GPD2: variants seen among roughly 807,000 people sequenced by gnomAD.
The protein encoded by GPD2 is glycerol-3-phosphate dehydrogenase, mitochondrial.
GPD2 carries 54 observed loss-of-function variants against 82.4 expected under a neutral mutation model. The ratio of observed to expected loss-of-function variants is 0.66; its 90% CI spans 0.53 to 0.82. GPD2 has a LOEUF of 0.82. GPD2 is among the 40% of genes least tolerant of loss of function. The pLI, the probability that GPD2 is intolerant of heterozygous loss-of-function variation, is 0.00. For synonymous variants in GPD2, 288 were observed against 306.1 expected (o/e 0.94, Z 0.62); for missense variants, 748 against 896.2 (o/e 0.83, Z 2.11).
chr2:156,575,701 C>T (rs949705060), intron 13 of GPD2, among the ~76,000 whole-genome samples: 2 of 152,134 alleles, frequency 1.3e-5, no homozygotes, highest in East Asian at 3.9e-4. Flanking sequence ...CCACCACACC[C>T]GGTCCTCATT....
chr2:156,461,731 T>A (rs572226719), intron 1 of GPD2, among the ~76,000 whole-genome samples: 1 of 152,362 alleles, frequency 6.6e-6, no homozygotes, highest in South Asian at 2.1e-4. Context: ...CTCCTAGTAA[T>A]TCTCACTTTC....
chr2:156,434,741 CT>C (rs1688375563), upstream of GPD2, among the ~76,000 whole-genome samples: 4 of 152,154 alleles, frequency 2.6e-5, no homozygotes, highest in South Asian at 8.3e-4. Context: ...ACTGGGGGAG[CT>C]TTTAAACCGT....
At chr2:156,509,153 G>A (rs1684894377) in intron 3 of GPD2, among the ~76,000 whole-genome samples, 1 of 152,176 alleles carries the variant, frequency 6.6e-6, no homozygotes, top group African/African-American at 2.4e-5. Context: ...CTTAAAAGGA[G>A]TGACCTGGGG....
chr2:156,401,144 A>G, the GPD2 span, among the ~76,000 whole-genome samples: 2 of 152,290 alleles, frequency 1.3e-5, no homozygotes, highest in Non-Finnish European at 2.9e-5. Context: ...AGAAGTCAAA[A>G]CTTGCATTGG....
At chr2:156,544,038 T>C (rs1440328853) in intron 6 of GPD2, among the ~76,000 whole-genome samples, 1 of 152,182 alleles carries the variant, frequency 6.6e-6, no homozygotes, top group Non-Finnish European at 1.5e-5. Flanking sequence ...TTCATACAGA[T>C]AACCACAAAC....
At position 156,585,244 on chromosome 2, in the gene GPD2, G is replaced by C. The variant is rs1055706670; in HGVS notation, c.*2326G>C. The C allele has an allele frequency of 2.0e-5, 3 of 152,010 alleles. No individual in the cohort carries two copies. The highest frequency in any genetic ancestry group is 7.3e-5 in the African/African-American group (3 of 41,312). 9.4% of individuals were successfully genotyped at this position (152,010 alleles called of 1,614,324 possible). On this transcript the variant is annotated 3_prime_UTR_variant, in exon 17 of 17. Coordinates refer to ENST00000438166, the MANE Select transcript of GPD2 (RefSeq NM_000408.5). ...AGAAAGGGAGACAAGCAATAGGGGG[G>C]AATAAGCTTCTTCAAAATTCATTCC... is the stretch of plus-strand genomic sequence containing the variant.
chr2:156,514,004 C>T (rs189577590), intron 6 of GPD2, among the ~76,000 whole-genome samples: 1 of 152,196 alleles, frequency 6.6e-6, no homozygotes, highest in Admixed American at 6.5e-5. Context: ...ATTTATATGA[C>T]GAAGGTAGAT....
chr2:156,475,129 A>C (rs2105199948), intron 1 of GPD2, among the ~76,000 whole-genome samples: 1 of 152,192 alleles, frequency 6.6e-6, no homozygotes, highest in South Asian at 2.1e-4. Flanking sequence ...AGAGAAAGAA[A>C]AAAATATAAA....
intron 1 of GPD2, among the ~76,000 whole-genome samples, chr2:156,465,958 T>C (rs1207717225): frequency 1.3e-5 from 2 of 152,208 alleles, no homozygotes; most frequent in Non-Finnish European, 2.9e-5. Context: ...CATTTCTTGT[T>C]AGTTGATATA....
upstream of GPD2, among the ~76,000 whole-genome samples, chr2:156,433,434 A>G (rs374493067): frequency 3.3e-5 from 5 of 152,132 alleles, no homozygotes; most frequent in East Asian, 9.6e-4. Flanking sequence ...CCCTCCACCC[A>G]GGAACTGACT....
At position 156,568,765 on chromosome 2, in the gene GPD2, A is replaced by C. The variant is rs1238711039; in HGVS notation, c.1166-60A>C. On this transcript the variant is annotated intron_variant, in intron 9 of 16. Transcript: ENST00000438166. ...CCGAACTCTTTTTATTAACTGTTTA[A>C]TATTTTTATCAAAATATTTTTGAGC... The C allele has an allele frequency of 8.1e-6, 12 of 1,473,870 alleles. No individual in the cohort carries two copies. The African/African-American group carries it at 1.7e-4, about 20-fold the overall frequency. The allele number at this position is 1,473,870 out of a possible 1,614,324, so 91.3% of individuals were successfully genotyped here. A position where few individuals can be genotyped will look rare whatever the true frequency, so the allele number is the denominator to read the frequency against.
chr2:156,420,519 A>G, the GPD2 span, among the ~76,000 whole-genome samples: 2 of 152,194 alleles, frequency 1.3e-5, no homozygotes, highest in African/African-American at 4.8e-5. Flanking sequence ...TATCAACTAG[A>G]TAATGTTAAA....
intron 2 of GPD2, among the ~76,000 whole-genome samples, chr2:156,491,962 G>A (rs376680707): frequency 1.3e-5 from 2 of 150,550 alleles, no homozygotes; most frequent in Non-Finnish European, 3.0e-5. Context: ...AGAGGTTGGA[G>A]TGAGCCGAGA....
chr2:156,454,669 G>A (rs1454916648), intron 1 of GPD2, among the ~76,000 whole-genome samples: 1 of 152,174 alleles, frequency 6.6e-6, no homozygotes, highest in East Asian at 1.9e-4. Flanking sequence ...GCTGGGGATA[G>A]AGTTTAAGTA....
the GPD2 span, among the ~76,000 whole-genome samples, chr2:156,410,677 T>C: frequency 6.6e-6 from 1 of 152,228 alleles, no homozygotes; most frequent in African/African-American, 2.4e-5. Context: ...GTTGAACCAT[T>C]AACACATTTG....
rs1429443463 is a variant in GPD2, at chr2:156,557,592, C to T, written c.1165+10C>T. On this transcript the variant is annotated intron_variant, in intron 9 of 16. Coordinates refer to ENST00000438166, the MANE Select transcript of GPD2 (RefSeq NM_000408.5). ...AGTTGTGATGTTGAAGGTAACTAAG[C>T]ATTCCTTTAAGTTTGTCTCTCTGTG... 3.4e-6 allele frequency: 5 copies of T among 1,485,722 alleles called. No individual in the cohort carries two copies. The highest frequency in any genetic ancestry group is 1.7e-5 in the Admixed American group (1 of 59,816). 92.0% of individuals were successfully genotyped at this position (1,485,722 alleles called of 1,614,324 possible).
intron 6 of GPD2, among the ~76,000 whole-genome samples, chr2:156,537,870 C>A (rs540693288): frequency 2.0e-5 from 3 of 152,248 alleles, no homozygotes; most frequent in East Asian, 1.9e-4. Context: ...TTAGAAAAGT[C>A]TTTTTCAAGT....
At chr2:156,537,682 A>C (rs115261749) in intron 6 of GPD2, among the ~76,000 whole-genome samples, 2,242 of 152,318 alleles carry the variant, frequency 0.015, 62 homozygotes, top group African/African-American at 0.05. Context: ...TTTCAGAGAC[A>C]AAGGGAGTAT....
intron 2 of GPD2, among the ~76,000 whole-genome samples, chr2:156,477,790 A>G (rs1051594824): frequency 6.6e-5 from 10 of 152,144 alleles, no homozygotes; most frequent in African/African-American, 2.2e-4. Flanking sequence ...TTGATGTACT[A>G]TTTCTTTTAA....
Sources: gnomAD v4.1 joint callset for allele counts (sites outside exome capture counted in the v4.1 genomes callset) on GRCh38, gnomAD v4.1.1 for gene constraint, MANE v1.5 for transcripts, NCBI Gene and HGNC (gene_info 2026-07-23, HGNC 2026-07-21) for gene names.